A1CF: variants seen among roughly 807,000 people sequenced by gnomAD.
The protein encoded by A1CF is APOBEC1 complementation factor, also known as APOBEC-1 stimulating protein.
A neutral mutation model predicts 68.9 loss-of-function variants in A1CF; 48 were observed. That is an observed-to-expected ratio of 0.70 (90% CI 0.55 to 0.89). The LOEUF (loss-of-function observed/expected upper bound fraction) is 0.89, where lower values mean the gene tolerates loss of function less well. A1CF is among the 40% of genes least tolerant of loss of function. The pLI is 0.00. For missense variants in A1CF, 653 were observed against 718.9 expected (o/e 0.91, Z 1.05); for synonymous variants, 272 against 260.4 (o/e 1.04, Z -0.43).
chr10:50,849,641 T>G (rs901749412), intron 3 of A1CF, among the ~76,000 whole-genome samples: 1 of 152,174 alleles, frequency 6.6e-6, no homozygotes, highest in African/African-American at 2.4e-5. Context: ...GGTCAGTATT[T>G]CTTATTTTAA....
intron 9 of A1CF, 68 bp downstream of exon 9, chr10:50,815,938 A>G: frequency 6.4e-7 from 1 of 1,561,482 alleles, no homozygotes; most frequent in Non-Finnish European, 8.7e-7. Flanking sequence ...CAATGTATCT[A>G]AGGCTACTGC....
At chr10:50,815,881 ATTTT>A in intron 9 of A1CF, 121 bp downstream of exon 9, 1 of 1,155,352 alleles carries the variant, frequency 8.7e-7, no homozygotes, top group Non-Finnish European at 1.2e-6. Flanking sequence ...ATAATAGTTG[ATTTT>A]TAATAAACAA....
intron 6 of A1CF, among the ~76,000 whole-genome samples, chr10:50,832,946 C>T (rs2132415093): frequency 6.6e-6 from 1 of 152,112 alleles, no homozygotes; most frequent in East Asian, 1.9e-4. Flanking sequence ...TAAATATTTA[C>T]TGACTGAGCA....
chr10:50,821,596 C>T (rs1029904816), intron 7 of A1CF, among the ~76,000 whole-genome samples: 5 of 151,410 alleles, frequency 3.3e-5, no homozygotes, highest in African/African-American at 7.3e-5. Context: ...AGTGCAATGG[C>T]GTGATCTCAG....
chr10:50,805,972 G>C lies in A1CF; in HGVS notation c.*757C>G, dbSNP rs1354956342. ...AAGTAGAAAAGGTCATTTCATGCTG[G>C]CATGATTATTGGAAAAGGTAGGAGT... On this transcript the variant is annotated 3_prime_UTR_variant, in exon 13 of 13. Coordinates refer to ENST00000373997, the MANE Select transcript of A1CF (RefSeq NM_014576.4). The C allele has an allele frequency of 6.6e-6, 1 of 152,186 alleles. No individual in the cohort carries two copies. The highest frequency in any genetic ancestry group is 1.5e-5 in the Non-Finnish European group (1 of 68,038). 9.4% of individuals were successfully genotyped at this position (152,186 alleles called of 1,614,324 possible).
At chr10:50,872,946 CTTTTTTTT>C (rs34770362) in intron 1 of A1CF, among the ~76,000 whole-genome samples, 92 of 67,308 alleles carry the variant, frequency 1.4e-3, no homozygotes, top group East Asian at 3.5e-3. Flanking sequence ...ATTTAAGTTC[CTTTTTTTT>C]TTTTTTTTTT....
In A1CF at chr10:50,884,065, C is replaced by G. The variant is rs571385881; in HGVS notation, c.-94+1516G>C. Among the ~76,000 whole-genome samples the G allele has an allele frequency of 6.6e-5, 10 of 152,292 alleles. No homozygotes were observed. In the South Asian group the frequency reaches 2.1e-3, roughly 32 times the overall value. Reference sequence around the variant, plus strand: ...CAAAACACTCATGTGGTAACAAAACCTGCTATAACTTTTCTAACACTGTTT... The same window carrying G: ...CAAAACACTCATGTGGTAACAAAACGTGCTATAACTTTTCTAACACTGTTT... On this transcript the variant is annotated intron_variant, in intron 1 of 12. Coordinates refer to ENST00000373997, the MANE Select transcript of A1CF (RefSeq NM_014576.4).
At chr10:50,878,226 G>A (rs1841606528) in intron 1 of A1CF, among the ~76,000 whole-genome samples, 2 of 152,194 alleles carry the variant, frequency 1.3e-5, no homozygotes, top group African/African-American at 2.4e-5. Context: ...TAATTTCTAA[G>A]CCACCTCATT....
At chr10:50,883,714 G>C (rs922341792) in intron 1 of A1CF, among the ~76,000 whole-genome samples, 3 of 152,150 alleles carry the variant, frequency 2.0e-5, no homozygotes, top group Non-Finnish European at 4.4e-5. Flanking sequence ...GAAACAAAAC[G>C]TTGCCTACTC....
At chr10:50,822,202 A>G (rs1404942295) in intron 7 of A1CF, among the ~76,000 whole-genome samples, 1 of 152,184 alleles carries the variant, frequency 6.6e-6, no homozygotes, top group Non-Finnish European at 1.5e-5. Flanking sequence ...AGTTGTACCG[A>G]GATAGTTGGA....
At chr10:50,872,626 C>T (rs1841322421) in intron 1 of A1CF, among the ~76,000 whole-genome samples, 2 of 152,168 alleles carry the variant, frequency 1.3e-5, no homozygotes, top group Admixed American at 1.3e-4. Flanking sequence ...TCCCCATTCT[C>T]TTCCATAGGG....
At chr10:50,820,440 C>G in intron 8 of A1CF, 112 bp downstream of exon 8, 1 of 787,882 alleles carries the variant, frequency 1.3e-6, no homozygotes, top group Non-Finnish European at 2.0e-6. Context: ...ACTGAGGCAG[C>G]CATGTCAGAG....
chr10:50,862,865 G>A (rs914891570), intron 2 of A1CF: 2 of 152,120 alleles, frequency 1.3e-5, no homozygotes, highest in African/African-American at 4.8e-5. Flanking sequence ...GGGTCTGATG[G>A]GATTATTTAC....
At chr10:50,810,583 T>A (rs1838058520) in intron 11 of A1CF, among the ~76,000 whole-genome samples, 1 of 152,198 alleles carries the variant, frequency 6.6e-6, no homozygotes, top group African/African-American at 2.4e-5. Context: ...CAAGTGATTC[T>A]CCTGCCTCAG....
rs1837648073 is a variant in A1CF at position 50,802,680 on chromosome 10, TA to T, written c.*4048del. 5 of 55,070 alleles carry T rather than the reference TA, an allele frequency of 9.1e-5. No individual in the cohort carries two copies. The highest frequency in any genetic ancestry group is 2.5e-4 in the Non-Finnish European group (4 of 16,026). The allele number at this position is 55,070 out of a possible 1,614,324, so 3.4% of individuals were successfully genotyped here. On this transcript the variant is annotated 3_prime_UTR_variant, in exon 13 of 13. Transcript: ENST00000373997. The stretch of plus-strand genomic sequence containing the variant: ...GTTGTAAGTTACTTTTAGGAAATCT[TA>T]GTGTTAGAGTTGTTCAATAATAATA...
intron 3 of A1CF, among the ~76,000 whole-genome samples, chr10:50,851,452 T>C (rs1198432187): frequency 6.6e-6 from 1 of 152,262 alleles, no homozygotes; most frequent in African/African-American, 2.4e-5. Context: ...CTAATGACTT[T>C]ATGCATTGAT....
At chr10:50,859,772 T>C (rs1840655126) in intron 3 of A1CF, 70 bp downstream of exon 3, 1 of 1,386,546 alleles carries the variant, frequency 7.2e-7, no homozygotes, top group Non-Finnish European at 1.0e-6. Context: ...TTTTGCATCT[T>C]AGGACCTCCA....
At chr10:50,836,008 T>G in intron 6 of A1CF, 66 bp downstream of exon 6, 1 of 1,421,164 alleles carries the variant, frequency 7.0e-7, no homozygotes, top group Non-Finnish European at 9.5e-7. Flanking sequence ...TAAAAATGCT[T>G]ATTTTCTTTG....
At chr10:50,866,581 C>G (rs888788725) in intron 1 of A1CF, among the ~76,000 whole-genome samples, 54 of 152,230 alleles carry the variant, frequency 3.5e-4, no homozygotes, top group Non-Finnish European at 8.8e-5. Context: ...AAGAGAGACA[C>G]AGGCAGTGTA....
Sources: allele counts gnomAD v4.1 joint callset (sites outside exome capture counted in the v4.1 genomes callset), GRCh38; gene constraint gnomAD v4.1.1; transcripts MANE v1.5; gene names NCBI Gene and HGNC (gene_info 2026-07-23, HGNC 2026-07-21).